The following CCSER1 variants were observed in gnomAD, a reference collection of about 807,000 sequenced individuals.
The protein encoded by CCSER1 is serine-rich coiled-coil domain-containing protein 1.
A neutral mutation model predicts 82.0 loss-of-function variants in CCSER1; 41 were observed. That is an observed-to-expected ratio of 0.50 (90% CI 0.39 to 0.65). CCSER1 has a LOEUF of 0.65. Ranked by LOEUF, CCSER1 falls within the 30% of genes least tolerant of loss-of-function variation. CCSER1 has a pLI of 0.00. For synonymous variants in CCSER1, 414 were observed against 383.9 expected (o/e 1.08, Z -0.92); for missense variants, 1,119 against 1,064.2 (o/e 1.05, Z -0.72).
chr4:90,589,974 T>A (rs1338958408), intron 5 of CCSER1, among the ~76,000 whole-genome samples: 1 of 152,312 alleles, frequency 6.6e-6, no homozygotes, highest in Admixed American at 6.5e-5. Flanking sequence ...TACCTTGTGG[T>A]AAAAACACTT....
chr4:91,114,061 C>A (rs1047968771), intron 10 of CCSER1, among the ~76,000 whole-genome samples: 2 of 152,060 alleles, frequency 1.3e-5, no homozygotes, highest in East Asian at 3.9e-4. Context: ...ATCGTGTTAG[C>A]CAGGATGGTC....
intron 5 of CCSER1, among the ~76,000 whole-genome samples, chr4:90,608,326 T>A (rs1785005473): frequency 6.6e-6 from 1 of 152,166 alleles, no homozygotes; most frequent in African/African-American, 2.4e-5. Flanking sequence ...TCTGCAGAAC[T>A]CATGGAGGCT....
intron 9 of CCSER1, among the ~76,000 whole-genome samples, chr4:90,983,410 T>A (rs911444376): frequency 2.6e-5 from 4 of 151,676 alleles, no homozygotes; most frequent in African/African-American, 7.3e-5. Context: ...TTACTGTAAA[T>A]AATTTGGGTA....
chr4:90,768,239 G>A (rs536152501), intron 7 of CCSER1, among the ~76,000 whole-genome samples: 21 of 152,136 alleles, frequency 1.4e-4, no homozygotes, highest in Admixed American at 3.3e-4. Context: ...CTTGGAAACA[G>A]GTTTTCTGAA....
chr4:91,194,636 T>C (rs1036367863), intron 10 of CCSER1, among the ~76,000 whole-genome samples: 4 of 152,132 alleles, frequency 2.6e-5, no homozygotes, highest in African/African-American at 9.7e-5. Context: ...CATTCCAAGT[T>C]TCCTTTGTTT....
At chr4:90,874,891 CA>C in intron 8 of CCSER1, among the ~76,000 whole-genome samples, 1 of 152,158 alleles carries the variant, frequency 6.6e-6, no homozygotes, top group South Asian at 2.1e-4. Flanking sequence ...ACTAAAAATA[CA>C]AAAATTAGCT....
chr4:91,361,706 G>A lies in CCSER1; in HGVS notation c.2218-236866G>A, dbSNP rs139466707. Among the ~76,000 whole-genome samples, 94 of 151,868 alleles carry A rather than the reference G, an allele frequency of 6.2e-4. 1 individual carries two copies. The highest frequency in any genetic ancestry group is 2.0e-3 in the African/African-American group (84 of 41,496). On this transcript the variant is annotated intron_variant, in intron 10 of 10. Transcript: ENST00000509176. ...ATCTATGAAGACACTAATTAATTTA[G>A]TTTGAAGACATGTCTTTGAGATACG... is the stretch of plus-strand genomic sequence containing the variant.
At chr4:90,158,190 G>A (rs576715038) in intron 1 of CCSER1, among the ~76,000 whole-genome samples, 1 of 152,238 alleles carries the variant, frequency 6.6e-6, no homozygotes, top group South Asian at 2.1e-4. Flanking sequence ...ATAAACAGCG[G>A]ATTTTCGTGA....
Position 91,553,502 on chromosome 4 carries a change from G to T in CCSER1, c.2218-45070G>T, listed in dbSNP as rs1388178829. ...TAAATGTTTGGTAGATTTCAGCAAT[G>T]AATCCATGAAGTCCTGGGCTTCTCT... is the stretch of plus-strand genomic sequence containing the variant. On this transcript the variant is annotated intron_variant, in intron 10 of 10. Transcript: ENST00000509176. 9.2e-5 allele frequency among the ~76,000 whole-genome samples: 14 copies of T among 151,390 alleles called. 1 individual carries two copies. The highest frequency in any genetic ancestry group is 7.3e-4 in the Admixed American group (11 of 15,162).
At chr4:91,047,538 C>T (rs1426952194) in intron 9 of CCSER1, among the ~76,000 whole-genome samples, 2 of 152,106 alleles carry the variant, frequency 1.3e-5, no homozygotes, top group Non-Finnish European at 2.9e-5. Flanking sequence ...GACTTTCTAC[C>T]AATTGGATTC....
At chr4:90,365,036 G>T (rs982799728) in intron 3 of CCSER1, among the ~76,000 whole-genome samples, 1 of 151,836 alleles carries the variant, frequency 6.6e-6, no homozygotes, top group Non-Finnish European at 1.5e-5. Context: ...TATATGAGAT[G>T]TTGACAGCCT....
At chr4:90,239,099 C>T (rs1376863521) in intron 1 of CCSER1, among the ~76,000 whole-genome samples, 1 of 152,194 alleles carries the variant, frequency 6.6e-6, no homozygotes, top group African/African-American at 2.4e-5. Context: ...GATCCGCCTG[C>T]CTGGGCCTCC....
chr4:91,598,846 A>G lies in CCSER1; in HGVS notation c.2492A>G (p.Lys831Arg). Reference protein sequence around the residue: ...LRATVGQSSLKPTAKTEGLST... With the variant: ...LRATVGQSSLRPTAKTEGLST... Reference sequence around the variant, plus strand: ...GCCACCGTTGGGCAGAGCTCTCTGAAGCCAACAGCTAAGACAGAAGGGCTC... The same window carrying G: ...GCCACCGTTGGGCAGAGCTCTCTGAGGCCAACAGCTAAGACAGAAGGGCTC... Residue 831 changes from lysine (K) to arginine (R), a missense_variant, in exon 11 of 11, where the codon AAG becomes AGG. Physicochemically the swap from Lys to Arg is conservative, Grantham distance 26. Coordinates refer to ENST00000509176, the MANE Select transcript of CCSER1 (RefSeq NM_001145065.2). 6.4e-7 allele frequency: 1 copy of G among 1,551,648 alleles called. No homozygotes were observed. The highest frequency in any genetic ancestry group is 8.7e-7 in the Non-Finnish European group (1 of 1,146,924).
At chr4:90,450,068 A>C (rs1290338324) in intron 4 of CCSER1, among the ~76,000 whole-genome samples, 2 of 152,164 alleles carry the variant, frequency 1.3e-5, no homozygotes, top group East Asian at 3.9e-4. Flanking sequence ...GATAGGGATG[A>C]TGCTGCTCTT....
intron 10 of CCSER1, among the ~76,000 whole-genome samples, chr4:91,195,366 G>A (rs1398869905): frequency 2.6e-5 from 4 of 152,196 alleles, no homozygotes; most frequent in Non-Finnish European, 5.9e-5. Flanking sequence ...TAAGTCTAAT[G>A]TATAAAGTAT....
chr4:91,525,304 G>T (rs549135789), intron 10 of CCSER1, among the ~76,000 whole-genome samples: 1 of 152,142 alleles, frequency 6.6e-6, no homozygotes, highest in African/African-American at 2.4e-5. Context: ...CTGGAAGGAA[G>T]ATCCTTAAGA....
At chr4:90,744,849 A>G (rs1044200704) in intron 7 of CCSER1, among the ~76,000 whole-genome samples, 1 of 152,146 alleles carries the variant, frequency 6.6e-6, no homozygotes, top group African/African-American at 2.4e-5. Flanking sequence ...CAAGTCCCCT[A>G]TCCATGGAAA....
chr4:90,529,951 A>ATATTT, intron 5 of CCSER1, among the ~76,000 whole-genome samples: 1 of 127,148 alleles, frequency 7.9e-6, no homozygotes, highest in African/African-American at 2.8e-5. Context: ...ATATATATAT[A>ATATTT]TTTTTTTTTT....
Position 90,308,982 on chromosome 4 carries a change from A to G in CCSER1, c.698A>G (p.Asp233Gly), listed in dbSNP as rs1226340343. 6.2e-7 allele frequency: 1 copy of G among 1,613,704 alleles called. No individual in the cohort carries two copies. Among genetic ancestry groups the G allele is most frequent in the African/African-American group, 1.3e-5 (1 of 74,936 alleles). ...LVRASPSCSVDVTERAGSSLQ... is the reference protein window; with the variant it reads ...LVRASPSCSVGVTERAGSSLQ... Reference sequence around the variant, plus strand: ...AGAGCTTCGCCATCCTGTTCTGTGGATGTAACAGAACGGGCAGGAAGCTCT... The same window carrying G: ...AGAGCTTCGCCATCCTGTTCTGTGGGTGTAACAGAACGGGCAGGAAGCTCT... The change falls in exon 2 of 11, where the codon GAT (aspartate) becomes GGT (glycine). Residue 233 changes from aspartate to glycine, a missense_variant. Transcript: ENST00000509176.
Sources: allele counts gnomAD v4.1 joint callset (sites outside exome capture counted in the v4.1 genomes callset), GRCh38; gene constraint gnomAD v4.1.1; transcripts MANE v1.5; gene names NCBI Gene and HGNC (gene_info 2026-07-23, HGNC 2026-07-21).